Variants in ANO4 observed in about 807,000 individuals in gnomAD.
The protein encoded by ANO4 is anoctamin-4.
In ANO4, 69 loss-of-function variants were observed where a neutral mutation model predicts 141.9. The ratio of observed to expected loss-of-function variants is 0.49; its 90% confidence interval spans 0.40 to 0.59. The LOEUF (loss-of-function observed/expected upper bound fraction) is 0.59, where lower values mean the gene tolerates loss of function less well. Ranked by LOEUF, ANO4 falls within the 20% of genes least tolerant of loss-of-function variation. The pLI is 0.00. For synonymous variants in ANO4, 350 were observed against 394.3 expected, an observed-to-expected ratio of 0.89 and a Z score of 1.33; for missense variants, 894 against 1,162.2, an observed-to-expected ratio of 0.77 and a Z score of 3.36.
chr12:100,756,683 T>G (rs1188955448), intron 3 of ANO4, among the ~76,000 whole-genome samples: 1 of 152,148 alleles, frequency 6.6e-6, no homozygotes, highest in Non-Finnish European at 1.5e-5. Flanking sequence ...CTCTGACTCT[T>G]TGGTGGATAT....
At chr12:101,032,981 G>T (rs1158712550) in intron 9 of ANO4, among the ~76,000 whole-genome samples, 2 of 151,992 alleles carry the variant, frequency 1.3e-5, no homozygotes, top group African/African-American at 2.4e-5. Flanking sequence ...TATACCCAAA[G>T]GACTATAAAT....
intron 6 of ANO4, among the ~76,000 whole-genome samples, chr12:100,972,426 T>C (rs1465009954): frequency 6.6e-6 from 1 of 152,222 alleles, no homozygotes; most frequent in Non-Finnish European, 1.5e-5. Context: ...TATGTCCTAA[T>C]ACCAAGTCAA....
intron 2 of ANO4, among the ~76,000 whole-genome samples, chr12:100,912,392 CAA>C (rs35934592): frequency 0.011 from 749 of 67,346 alleles, 3 homozygotes; most frequent in African/African-American, 0.036. Context: ...AGGACTCTGT[CAA>C]AAAAAAAAAA....
chr12:101,089,952 CT>C (rs1390789701), intron 17 of ANO4, among the ~76,000 whole-genome samples: 2 of 152,184 alleles, frequency 1.3e-5, no homozygotes, highest in African/African-American at 4.8e-5. Flanking sequence ...TGAACAGACA[CT>C]TCTCAAAAGA....
intron 1 of ANO4, among the ~76,000 whole-genome samples, chr12:100,823,270 C>T (rs1215021020): frequency 6.6e-6 from 1 of 151,858 alleles, no homozygotes; most frequent in Admixed American, 6.6e-5. Context: ...ATATATGTGG[C>T]AAATTCTAAG....
At chr12:100,863,933 C>G (rs1565947691) in intron 1 of ANO4, among the ~76,000 whole-genome samples, 1 of 152,142 alleles carries the variant, frequency 6.6e-6, no homozygotes, top group Non-Finnish European at 1.5e-5. Context: ...GTGCCTTGAG[C>G]AAAAGAAAAT....
chr12:101,015,672 C>T (rs898521131), intron 8 of ANO4, among the ~76,000 whole-genome samples: 1 of 152,082 alleles, frequency 6.6e-6, no homozygotes, highest in Non-Finnish European at 1.5e-5. Context: ...AAGATATATG[C>T]GTAGTTTTGA....
At chr12:100,901,007 T>C (rs1318773229) in intron 1 of ANO4, among the ~76,000 whole-genome samples, 1 of 152,218 alleles carries the variant, frequency 6.6e-6, no homozygotes, top group African/African-American at 2.4e-5. Context: ...GTAATCTATA[T>C]AGGCTGATGT....
At chr12:100,734,783 A>T (rs961435561) in intron 2 of ANO4, among the ~76,000 whole-genome samples, 1 of 152,236 alleles carries the variant, frequency 6.6e-6, no homozygotes, top group African/African-American at 2.4e-5. Context: ...AACCTCTAAA[A>T]TGGATTTAAA....
upstream of ANO4, among the ~76,000 whole-genome samples, chr12:100,790,025 A>C (rs1565876769): frequency 6.6e-6 from 1 of 152,240 alleles, no homozygotes; most frequent in Non-Finnish European, 1.5e-5. Context: ...CTCACCGTGA[A>C]GATGGCATTG....
chr12:100,791,390 G>A (rs1446554071), upstream of ANO4, among the ~76,000 whole-genome samples: 1 of 152,098 alleles, frequency 6.6e-6, no homozygotes, highest in Non-Finnish European at 1.5e-5. Flanking sequence ...AGGCTGGATG[G>A]CAGAGCGAGA....
intron 1 of ANO4, among the ~76,000 whole-genome samples, chr12:100,722,357 T>G (rs2136733180): frequency 6.6e-6 from 1 of 152,290 alleles, no homozygotes; most frequent in South Asian, 2.1e-4. Context: ...GTTCCTTGTT[T>G]AAAATTCTCC....
intron 22 of ANO4, among the ~76,000 whole-genome samples, chr12:101,102,360 G>A (rs2050224771): frequency 6.6e-6 from 1 of 152,132 alleles, no homozygotes; most frequent in Admixed American, 6.5e-5. Flanking sequence ...AACAGTTCCA[G>A]TTATTCCACA....
intron 8 of ANO4, among the ~76,000 whole-genome samples, chr12:100,994,229 A>C (rs2045269519): frequency 6.6e-6 from 1 of 152,144 alleles, no homozygotes; most frequent in Non-Finnish European, 1.5e-5. Context: ...AGGCAGGGCC[A>C]CCCATTCTCT....
intron 1 of ANO4, among the ~76,000 whole-genome samples, chr12:100,882,652 CT>C (rs1246186636): frequency 6.6e-6 from 1 of 151,752 alleles, no homozygotes; most frequent in Non-Finnish European, 1.5e-5. Flanking sequence ...TGATGTGAGC[CT>C]TTGGCAGTCT....
intron 7 of ANO4, among the ~76,000 whole-genome samples, chr12:100,980,067 G>A (rs10778096): frequency 0.21 from 32,107 of 151,992 alleles, 3,478 homozygotes; most frequent in Middle Eastern, 0.35. Flanking sequence ...AAAGCTGAAG[G>A]AATGGCTTAC....
chr12:100,840,763 G>A (rs1276009845), intron 1 of ANO4, among the ~76,000 whole-genome samples: 1 of 152,182 alleles, frequency 6.6e-6, no homozygotes, highest in Non-Finnish European at 1.5e-5. Flanking sequence ...GATCCCTGAT[G>A]TGACAGAGGT....
chr12:100,890,731 A>G (rs1484219253), intron 1 of ANO4, among the ~76,000 whole-genome samples: 1 of 152,274 alleles, frequency 6.6e-6, no homozygotes, highest in East Asian at 1.9e-4. Context: ...AGCCTCCTCT[A>G]TTATGACCTT....
chr12:101,121,159 C>A (rs2051074128), intron 26 of ANO4, among the ~76,000 whole-genome samples: 1 of 152,144 alleles, frequency 6.6e-6, no homozygotes, highest in Admixed American at 6.5e-5. Context: ...TGGGGTGCGA[C>A]TGAACCCACC....
Sources: gnomAD v4.1 joint callset for allele counts (sites outside exome capture counted in the v4.1 genomes callset) on GRCh38, gnomAD v4.1.1 for gene constraint, MANE v1.5 for transcripts, NCBI Gene and HGNC (gene_info 2026-07-23, HGNC 2026-07-21) for gene names.